The following PRDM1 variants were observed in gnomAD, a reference collection of about 807,000 sequenced individuals.
PRDM1 encodes the protein PR domain zinc finger protein 1.
A neutral mutation model predicts 62.8 loss-of-function variants in PRDM1; 13 were observed. The observed-to-expected ratio is 0.21, with a 90% CI of 0.13 to 0.33. The LOEUF is 0.33. Ranked by LOEUF, PRDM1 falls within the 10% of genes least tolerant of loss-of-function variation. PRDM1 has a pLI of 1.00. For missense variants in PRDM1, 895 were observed against 1,058.8 expected, an observed-to-expected ratio of 0.85 and a Z score of 2.15; for synonymous variants, 396 against 417.6, an observed-to-expected ratio of 0.95 and a Z score of 0.63.
intron 1 of PRDM1, among the ~76,000 whole-genome samples, chr6:106,070,594 A>T (rs1230700838): frequency 8.1e-6 from 1 of 123,394 alleles, no homozygotes; most frequent in African/African-American, 2.7e-5. Context: ...GTCAAAGGTT[A>T]TAAATCTCTA....
At chr6:106,077,281 A>G (rs4946721) in intron 1 of PRDM1, among the ~76,000 whole-genome samples, 61,637 of 152,038 alleles carry the variant, frequency 0.41, 14,308 homozygotes, top group African/African-American at 0.64. Context: ...CGATCACACC[A>G]CCAGGCACTG....
intron 1 of PRDM1, among the ~76,000 whole-genome samples, chr6:106,042,148 A>G (rs1415449916): frequency 6.6e-6 from 1 of 151,314 alleles, no homozygotes; most frequent in Non-Finnish European, 1.5e-5. Flanking sequence ...AAATGTTTTG[A>G]TAATATTTAA....
chr6:106,013,282 G>C (rs1249196574), intron 1 of PRDM1, among the ~76,000 whole-genome samples: 1 of 151,336 alleles, frequency 6.6e-6, no homozygotes, highest in East Asian at 1.9e-4. Context: ...TGCCTAAACT[G>C]AGCTTATCCT....
At chr6:106,023,520 C>T (rs1037896838) in intron 1 of PRDM1, among the ~76,000 whole-genome samples, 4 of 152,138 alleles carry the variant, frequency 2.6e-5, no homozygotes, top group African/African-American at 7.2e-5. Flanking sequence ...TTCTGACCAG[C>T]CCTCCCCTCC....
rs776927266 is a variant in PRDM1 at position 106,008,827 on chromosome 6, C to G, written c.-67+15188C>G. ...TGGCCATTGCCTGTACTGCCTTTGC[C>G]TTTCTTCTCTTGTTGGCTTTGTATT... On this transcript the variant is annotated intron_variant, in intron 1 of 6. Transcript: ENST00000652320. 5.3e-5 allele frequency among the ~76,000 whole-genome samples: 8 copies of G among 152,206 alleles called. No homozygotes were observed. The South Asian group carries it at 6.2e-4, about 12-fold the overall frequency.
intron 1 of PRDM1, among the ~76,000 whole-genome samples, chr6:106,067,630 A>C (rs1198134032): frequency 6.6e-6 from 1 of 152,224 alleles, no homozygotes; most frequent in East Asian, 1.9e-4. Context: ...GAAAGTTCAA[A>C]TACTGTATGA....
intron 1 of PRDM1, among the ~76,000 whole-genome samples, chr6:106,054,357 G>A (rs9320145): frequency 0.89 from 135,376 of 152,110 alleles, 60,308 homozygotes; most frequent in South Asian, 0.94. Context: ...TGGTGTATTT[G>A]TATAAAACTG....
chr6:106,030,489 T>G (rs1772826035), intron 1 of PRDM1, among the ~76,000 whole-genome samples: 1 of 152,148 alleles, frequency 6.6e-6, no homozygotes, highest in South Asian at 2.1e-4. Flanking sequence ...GCTTTCTTAA[T>G]GTCTTTTCAA....
At chr6:106,072,779 T>C (rs1405417051) in intron 1 of PRDM1, among the ~76,000 whole-genome samples, 2 of 152,216 alleles carry the variant, frequency 1.3e-5, no homozygotes, top group East Asian at 3.9e-4. Flanking sequence ...TGAGCTGTTC[T>C]CTGGAAAGAG....
In PRDM1 at chr6:106,055,899, A is replaced by G. The variant is rs1773258511; in HGVS notation, c.-67+7185A>G. Reference sequence around the variant, plus strand: ...CAAGGCACAACCATCACTTTACTGAACTTGCAAATATGAATTAAGTAACAA... The same window carrying G: ...CAAGGCACAACCATCACTTTACTGAGCTTGCAAATATGAATTAAGTAACAA... On this transcript the variant is annotated intron_variant, in intron 1 of 6. Transcript: ENST00000651185. Among the ~76,000 whole-genome samples the G allele has an allele frequency of 2.0e-5, 3 of 152,262 alleles. No individual in the cohort carries two copies. The South Asian group carries it at 6.2e-4, about 32-fold the overall frequency.
At chr6:106,070,804 A>C (rs1043016356) in intron 1 of PRDM1, among the ~76,000 whole-genome samples, 4 of 152,182 alleles carry the variant, frequency 2.6e-5, no homozygotes, top group Non-Finnish European at 5.9e-5. Flanking sequence ...TCTTTTGTGC[A>C]TTTGACAAAC....
chr6:106,032,554 C>T (rs1000805289), intron 1 of PRDM1, among the ~76,000 whole-genome samples: 2 of 152,004 alleles, frequency 1.3e-5, no homozygotes, highest in African/African-American at 4.8e-5. Flanking sequence ...TCTCCTGCCT[C>T]AGCCTCCTGA....
chr6:106,038,378 A>T (rs1432673460), intron 1 of PRDM1, among the ~76,000 whole-genome samples: 2 of 152,090 alleles, frequency 1.3e-5, no homozygotes, highest in African/African-American at 4.8e-5. Flanking sequence ...AGGTGTTCTC[A>T]GGTCTTTTCT....
rs41292414 is a variant in PRDM1 at position 106,108,618 on chromosome 6, A to G, written c.*1132A>G. 18,515 of 232,132 alleles carry G rather than the reference A, an allele frequency of 0.08. 974 individuals are homozygous for G. Among genetic ancestry groups the G allele is most frequent in the Middle Eastern group, 0.15 (116 of 778 alleles). 14.4% of individuals were successfully genotyped at this position (232,132 alleles called of 1,614,324 possible). ...GATAGGCTCAGGCCACACTTTAAAA[A>G]CAAACACACAAACAACAAAAAACGG... On this transcript the variant is annotated 3_prime_UTR_variant, in exon 7 of 7. Transcript: ENST00000369096.
intron 2 of PRDM1, among the ~76,000 whole-genome samples, chr6:106,091,694 C>T (rs534720534): frequency 9.9e-5 from 15 of 152,260 alleles, no homozygotes; most frequent in Non-Finnish European, 4.4e-5. Context: ...GTAGGAGAAT[C>T]GCTTGAACCT....
In PRDM1 at chr6:106,095,899, A is replaced by G. The variant is rs1774102596; in HGVS notation, c.411+165A>G. On this transcript the variant is annotated intron_variant, in intron 3 of 6. Coordinates refer to ENST00000369096, the MANE Select transcript of PRDM1 (RefSeq NM_001198.4). ...GGGAATTCTGAACAAATGTGATGAA[A>G]CCGATGAAATGTCTGGCCTGTAGGT... 6 of 729,272 alleles carry G rather than the reference A, an allele frequency of 8.2e-6. No homozygotes were observed. In the East Asian group the frequency reaches 1.7e-4, roughly 20 times the overall value. 45.2% of individuals were successfully genotyped at this position (729,272 alleles called of 1,614,324 possible).
At position 106,071,694 on chromosome 6, in the gene PRDM1, A is replaced by T. The variant is rs148795617; in HGVS notation, c.-66-16507A>T. 5.3e-5 allele frequency among the ~76,000 whole-genome samples: 8 copies of T among 151,758 alleles called. No homozygotes were observed. The East Asian group carries it at 1.6e-3, about 30-fold the overall frequency. Reference sequence around the variant, plus strand: ...TATCCCAGTTCTTTGTTAATCTCAGAGGTGGATTGTCTGTTATGTGGTATC... The same window carrying T: ...TATCCCAGTTCTTTGTTAATCTCAGTGGTGGATTGTCTGTTATGTGGTATC... On this transcript the variant is annotated intron_variant, in intron 1 of 6. Coordinates refer to the PRDM1 transcript ENST00000651185.
At chr6:106,032,438 G>A (rs776071816) in intron 1 of PRDM1, among the ~76,000 whole-genome samples, 4 of 151,406 alleles carry the variant, frequency 2.6e-5, no homozygotes, top group East Asian at 3.9e-4. Context: ...GTACAATACC[G>A]TATTTTCTTT....
chr6:106,082,955 C>T (rs1773717779), upstream of PRDM1, among the ~76,000 whole-genome samples: 1 of 152,116 alleles, frequency 6.6e-6, no homozygotes, highest in Non-Finnish European at 1.5e-5. Flanking sequence ...TATTCTCTCT[C>T]ACTCATACAC....
Sources: allele counts gnomAD v4.1 joint callset (sites outside exome capture counted in the v4.1 genomes callset), GRCh38; gene constraint gnomAD v4.1.1; transcripts MANE v1.5; gene names NCBI Gene and HGNC (gene_info 2026-07-23, HGNC 2026-07-21).